TRHDE: variants seen among roughly 807,000 people sequenced by gnomAD.
The protein encoded by TRHDE is thyrotropin-releasing hormone-degrading ectoenzyme.
In TRHDE, 72 loss-of-function variants were observed where a neutral mutation model predicts 125.7. The observed-to-expected ratio is 0.57, with a 90% confidence interval of 0.47 to 0.70. The LOEUF is 0.70. Ranked by LOEUF, TRHDE falls within the 30% of genes least tolerant of loss-of-function variation. The pLI is 0.00. For synonymous variants in TRHDE, 509 were observed against 509.1 expected, an observed-to-expected ratio of 1.00 and a Z score of 0.00; for missense variants, 1,110 against 1,327.1, an observed-to-expected ratio of 0.84 and a Z score of 2.54.
chr12:72,434,975 A>G (rs1365834067), intron 3 of TRHDE, among the ~76,000 whole-genome samples: 1 of 152,220 alleles, frequency 6.6e-6, no homozygotes, highest in East Asian at 1.9e-4. Context: ...TCTACCTTAC[A>G]TGTTTAAATG....
intron 2 of TRHDE, among the ~76,000 whole-genome samples, chr12:72,338,817 A>G (rs1322512175): frequency 6.6e-6 from 1 of 152,202 alleles, no homozygotes; most frequent in Admixed American, 6.5e-5. Context: ...GGTACTAACA[A>G]AAGGAGACTC....
chr12:72,385,113 A>G (rs1872355104), intron 3 of TRHDE, among the ~76,000 whole-genome samples: 1 of 152,106 alleles, frequency 6.6e-6, no homozygotes. Flanking sequence ...GTGTTTTGTT[A>G]CTGGCCTAAA....
intron 2 of TRHDE, among the ~76,000 whole-genome samples, chr12:72,363,492 G>A (rs1871209157): frequency 6.6e-6 from 1 of 151,820 alleles, no homozygotes; most frequent in South Asian, 2.1e-4. Flanking sequence ...ATGTAATCCA[G>A]CATATAAACA....
intron 2 of TRHDE, among the ~76,000 whole-genome samples, chr12:72,221,974 T>A (rs533248870): frequency 6.6e-6 from 1 of 152,234 alleles, no homozygotes; most frequent in Admixed American, 6.5e-5. Flanking sequence ...GGCCTCTTCA[T>A]GTGGTTCCTT....
At chr12:72,153,689 C>T (rs1358966226) in intron 2 of TRHDE, among the ~76,000 whole-genome samples, 2 of 151,970 alleles carry the variant, frequency 1.3e-5, no homozygotes, top group Admixed American at 6.6e-5. Flanking sequence ...GTTCAGTTTC[C>T]GTGTAGTTGA....
intron 6 of TRHDE, among the ~76,000 whole-genome samples, chr12:72,514,800 A>T: frequency 1.1e-5 from 1 of 87,200 alleles, no homozygotes; most frequent in South Asian, 4.7e-4. Flanking sequence ...CCCCCACCCC[A>T]GAACAGTCCC....
At chr12:72,118,530 G>A (rs1277494242) in intron 2 of TRHDE, among the ~76,000 whole-genome samples, 2 of 152,062 alleles carry the variant, frequency 1.3e-5, no homozygotes, top group Non-Finnish European at 2.9e-5. Context: ...CTGTGTCTTT[G>A]TCTGTTTTTG....
At chr12:72,263,612 T>G (rs1592505014) in intron 2 of TRHDE, 2 of 152,056 alleles carry the variant, frequency 1.3e-5, no homozygotes, top group Non-Finnish European at 2.9e-5. Flanking sequence ...AGTATAGCAA[T>G]TAAAATGCAT....
intron 2 of TRHDE, among the ~76,000 whole-genome samples, chr12:72,234,671 T>C (rs968725311): frequency 1.3e-5 from 2 of 152,132 alleles, no homozygotes; most frequent in African/African-American, 2.4e-5. Context: ...TGAAGAGATT[T>C]GGAGTAGTAG....
intron 2 of TRHDE, among the ~76,000 whole-genome samples, chr12:72,317,333 G>A (rs1446554805): frequency 6.6e-6 from 1 of 152,112 alleles, no homozygotes; most frequent in Non-Finnish European, 1.5e-5. Context: ...TTTTAATATG[G>A]CAGATAAAAA....
intron 15 of TRHDE, among the ~76,000 whole-genome samples, chr12:72,642,426 T>G (rs1023348235): frequency 6.6e-6 from 1 of 152,214 alleles, no homozygotes; most frequent in Admixed American, 6.5e-5. Context: ...CAAAGAACTC[T>G]GTCACAATCC....
intron 1 of TRHDE, among the ~76,000 whole-genome samples, chr12:72,284,744 A>G (rs1333801446): frequency 2.0e-5 from 3 of 152,178 alleles, no homozygotes; most frequent in African/African-American, 7.2e-5. Context: ...ATTTAATCCT[A>G]CCGGATGCAC....
At chr12:72,236,586 G>A (rs763439389) in intron 2 of TRHDE, among the ~76,000 whole-genome samples, 2 of 151,680 alleles carry the variant, frequency 1.3e-5, no homozygotes, top group African/African-American at 2.4e-5. Flanking sequence ...AACATATTAT[G>A]CCATAGCATA....
chr12:72,252,567 G>C (rs1411727345), intron 2 of TRHDE, among the ~76,000 whole-genome samples: 1 of 152,012 alleles, frequency 6.6e-6, no homozygotes. Context: ...CTTAATATCA[G>C]GTAGAGTGAT....
intron 2 of TRHDE, among the ~76,000 whole-genome samples, chr12:72,231,615 T>C (rs1878247842): frequency 6.6e-6 from 1 of 152,218 alleles, no homozygotes; most frequent in Non-Finnish European, 1.5e-5. Flanking sequence ...TTCTATGGTC[T>C]GTAGCTGGTT....
intron 2 of TRHDE, among the ~76,000 whole-genome samples, chr12:72,142,141 A>G (rs1365395437): frequency 6.6e-6 from 1 of 152,124 alleles, no homozygotes; most frequent in African/African-American, 2.4e-5. Flanking sequence ...GTGCCTGCTC[A>G]ATTCTGAAGG....
At chr12:72,632,590 AG>A (rs1400726401) in intron 15 of TRHDE, among the ~76,000 whole-genome samples, 1 of 151,890 alleles carries the variant, frequency 6.6e-6, no homozygotes, top group Non-Finnish European at 1.5e-5. Flanking sequence ...GAGTCATCAT[AG>A]ATATCTTAAT....
In TRHDE at chr12:72,272,637, C is replaced by T; in HGVS notation, c.-7C>T. The T allele has an allele frequency of 1.0e-6, 1 of 980,024 alleles. No individual in the cohort carries two copies. The highest frequency in any genetic ancestry group is 1.4e-6 in the Non-Finnish European group (1 of 697,800). 60.7% of individuals were successfully genotyped at this position (980,024 alleles called of 1,614,324 possible). On this transcript the variant is annotated 5_prime_UTR_variant, in exon 1 of 19. Transcript: ENST00000261180. This position sits in a 1 kb window ranked among gnomAD's most constrained non-coding sequence, Gnocchi z 6.7. ...GAGGGGGCGGGGGAGGAGGAGGAGGCGGTGTGATGGCCCTGGACGGCGAGC... is the reference window on the plus strand; with the variant it reads ...GAGGGGGCGGGGGAGGAGGAGGAGGTGGTGTGATGGCCCTGGACGGCGAGC...
At chr12:72,639,785 C>A (rs1379813163) in intron 15 of TRHDE, among the ~76,000 whole-genome samples, 1 of 152,134 alleles carries the variant, frequency 6.6e-6, no homozygotes, top group African/African-American at 2.4e-5. Context: ...TCTGCCCCTG[C>A]TAGGGGGTGC....
Sources: allele counts gnomAD v4.1 joint callset (sites outside exome capture counted in the v4.1 genomes callset), GRCh38; gene constraint gnomAD v4.1.1; non-coding constraint Gnocchi (gnomAD v3.1); transcripts MANE v1.5; gene names NCBI Gene and HGNC (gene_info 2026-07-23, HGNC 2026-07-21).